PCDH19: variants seen among roughly 807,000 people sequenced by gnomAD.
PCDH19 encodes protocadherin-19.
Under a neutral mutation model 46.2 loss-of-function variants are expected in PCDH19, and 6 were observed. That is an observed-to-expected ratio of 0.13 (90% CI 0.07 to 0.26). The LOEUF (loss-of-function observed/expected upper bound fraction) is 0.26. Ranked by LOEUF, PCDH19 falls within the 10% of genes least tolerant of loss-of-function variation. The pLI is 1.00. For missense variants in PCDH19, 740 were observed against 972.3 expected (o/e 0.76, Z 3.18); for synonymous variants, 481 against 415.7 (o/e 1.16, Z -1.91).
At position 100,294,853 on chromosome X, in the gene PCDH19, G is replaced by GT. The variant is rs1199312953; in HGVS notation, c.*1423dup. ...TTAAAACAGAAAAAAAGGATCTACAGTGTGTTAATTTAAAAAGGGTGTATT... is the reference window on the plus strand; with the variant it reads ...TTAAAACAGAAAAAAAGGATCTACAGTTGTGTTAATTTAAAAAGGGTGTATT... On this transcript the variant is annotated 3_prime_UTR_variant, in exon 6 of 6. Transcript: ENST00000373034. 1 of 112,395 alleles carries GT rather than the reference G, an allele frequency of 8.9e-6. No individual in the cohort carries two copies. Among genetic ancestry groups the GT allele is most frequent in the African/African-American group, 3.2e-5 (1 of 30,882 alleles). The allele number at this position is 112,395 out of a possible 1,213,427, so 9.3% of individuals were successfully genotyped here. A position where few individuals can be genotyped will look rare whatever the true frequency, so the allele number is the denominator to read the frequency against.
intron 5 of PCDH19, among the ~76,000 whole-genome samples, chrX:100,339,382 T>C (rs1456950691): frequency 8.9e-6 from 1 of 111,861 alleles, no homozygotes; most frequent in Non-Finnish European, 1.9e-5. Context: ...CCTTTCTAAA[T>C]TGGTAATCCT....
chrX:100,370,202 C>A (rs1927177422), intron 3 of PCDH19, among the ~76,000 whole-genome samples: 1 of 112,260 alleles, frequency 8.9e-6, no homozygotes, highest in Non-Finnish European at 1.9e-5. Context: ...TTGGGGACTA[C>A]CAGATCTCGT....
rs750955264 is a variant in PCDH19 at position 100,397,988 on chromosome X, G to A, written c.2616+4536C>T. 6.6e-5 allele frequency among the ~76,000 whole-genome samples: 6 copies of A among 91,573 alleles called. No homozygotes were observed. In the South Asian group the frequency reaches 3.3e-3, roughly 50 times the overall value. The allele number at this position is 91,573 out of a possible 115,157, so 79.5% of individuals were successfully genotyped here. A position where few individuals can be genotyped will look rare whatever the true frequency, so the allele number is the denominator to read the frequency against. ...TTCCTCTCTCTTCACTCTTTTCTAC[G>A]CCCTCATACACACACACACACACAT... is the stretch of plus-strand genomic sequence containing the variant. On this transcript the variant is annotated intron_variant, in intron 3 of 5. Transcript: ENST00000373034.
At chrX:100,339,475 G>A (rs1207459905) in intron 5 of PCDH19, among the ~76,000 whole-genome samples, 1 of 112,520 alleles carries the variant, frequency 8.9e-6, no homozygotes, top group Non-Finnish European at 1.9e-5. Flanking sequence ...ATCACCCAGT[G>A]ACTGCCTTTC....
chrX:100,316,642 A>C (rs1329242601), intron 5 of PCDH19, among the ~76,000 whole-genome samples: 1 of 112,261 alleles, frequency 8.9e-6, no homozygotes, highest in Non-Finnish European at 1.9e-5. Context: ...TGGGTGGAGG[A>C]ACAAGGACAA....
rs1487927230 is a variant in PCDH19 at position 100,409,516 on chromosome X, GT to G, written c.-920del. ...AACGCAGTCCGACCCTCCACGTCAA[GT>G]TTGTGGAAACGGGGAGATGGCAATT... On this transcript the variant is annotated 5_prime_UTR_variant, in exon 1 of 6. Coordinates refer to ENST00000373034, the MANE Select transcript of PCDH19 (RefSeq NM_001184880.2). The G allele has an allele frequency of 1.2e-3, 153 of 123,703 alleles. No individual in the cohort carries two copies. Among genetic ancestry groups the G allele is most frequent in the African/African-American group, 4.7e-3 (145 of 31,073 alleles). The allele number at this position is 123,703 out of a possible 1,213,427, so 10.2% of individuals were successfully genotyped here.
intron 3 of PCDH19, among the ~76,000 whole-genome samples, chrX:100,359,292 T>G (rs757623616): frequency 9.9e-5 from 11 of 111,457 alleles, no homozygotes; most frequent in African/African-American, 3.3e-4. Context: ...CTAATTCCAA[T>G]GAAAGAGTCA....
intron 5 of PCDH19, among the ~76,000 whole-genome samples, chrX:100,328,167 C>T (rs1444422440): frequency 8.9e-6 from 1 of 112,035 alleles, no homozygotes; most frequent in Non-Finnish European, 1.9e-5. Context: ...TCATGTAAGT[C>T]ATTTATGCTA....
rs774662487 is a variant in PCDH19 at position 100,408,435 on chromosome X, G to C, written c.163C>G (p.Pro55Ala). Residue 55 changes from proline to alanine, a missense_variant, in exon 1 of 6, where the codon CCC (proline) becomes GCC (alanine). This residue lies in a region of PCDH19 where 81 missense variants were observed against 96.5 expected (regional missense o/e 0.84). Coordinates refer to ENST00000373034, the MANE Select transcript of PCDH19 (RefSeq NM_001184880.2). ...DAREAGFALDPRQASAFRVVS... is the reference protein window; with the variant it reads ...DAREAGFALDARQASAFRVVS... ...ACGCGAAAGGCTGAAGCCTGCCGGG[G>C]GTCCAGCGCGAAGCCCGCCTCTCGC... 1 of 1,204,879 alleles carries C rather than the reference G, an allele frequency of 8.3e-7. No homozygotes were observed. Among genetic ancestry groups the C allele is most frequent in the Non-Finnish European group, 1.1e-6 (1 of 893,845 alleles).
chrX:100,356,778 C>T (rs1926730806), intron 3 of PCDH19, among the ~76,000 whole-genome samples: 1 of 100,350 alleles, frequency 1.0e-5, no homozygotes, highest in Admixed American at 1.1e-4. Flanking sequence ...CTCTCTCACA[C>T]ACACACACTC....
At chrX:100,322,865 A>ATATATATATATATATATATATATATATT in intron 5 of PCDH19, among the ~76,000 whole-genome samples, 2 of 54,418 alleles carry the variant, frequency 3.7e-5, no homozygotes, top group African/African-American at 1.7e-4. Context: ...ATATATATAT[A>ATATATATATATATATATATATATATATT]TTTTTGCAGC....
intron 3 of PCDH19, among the ~76,000 whole-genome samples, chrX:100,374,417 G>T (rs1927312914): frequency 8.9e-6 from 1 of 111,929 alleles, no homozygotes; most frequent in Non-Finnish European, 1.9e-5. Context: ...TGTACAGAAT[G>T]TTTGCCATTA....
intron 3 of PCDH19, among the ~76,000 whole-genome samples, chrX:100,367,677 A>G (rs1027269299): frequency 9.0e-6 from 1 of 111,516 alleles, no homozygotes; most frequent in Non-Finnish European, 1.9e-5. Context: ...AACCCTCATG[A>G]CTTAATCACC....
chrX:100,309,369 T>C (rs1307619958), intron 5 of PCDH19, among the ~76,000 whole-genome samples: 1 of 111,023 alleles, frequency 9.0e-6, no homozygotes, highest in Non-Finnish European at 1.9e-5. Flanking sequence ...CAATGGACTT[T>C]GGAGACTCAG....
At chrX:100,343,068 AG>A (rs1926299938) in intron 4 of PCDH19, among the ~76,000 whole-genome samples, 1 of 111,956 alleles carries the variant, frequency 8.9e-6, no homozygotes, top group African/African-American at 3.2e-5. Context: ...AAATTAAGAA[AG>A]AAGTTGAGTT....
chrX:100,335,041 C>T (rs1374669874), intron 5 of PCDH19, among the ~76,000 whole-genome samples: 2 of 111,233 alleles, frequency 1.8e-5, no homozygotes, highest in Non-Finnish European at 3.8e-5. Context: ...CCAAAGGGCC[C>T]ATGCCAAAAG....
intron 3 of PCDH19, among the ~76,000 whole-genome samples, chrX:100,353,157 C>T (rs1926617695): frequency 1.8e-5 from 2 of 111,908 alleles, no homozygotes; most frequent in Admixed American, 9.5e-5. Flanking sequence ...AGGAATTTGA[C>T]CTCATTCAGG....
intron 4 of PCDH19, among the ~76,000 whole-genome samples, chrX:100,349,345 T>C (rs1926505326): frequency 9.0e-6 from 1 of 111,516 alleles, no homozygotes; most frequent in African/African-American, 3.3e-5. Context: ...CCCAGGAAAA[T>C]ATTCTAAATG....
At chrX:100,402,482 G>A (rs1222443427) in intron 3 of PCDH19, 42 bp downstream of exon 3, 8 of 1,086,855 alleles carry the variant, frequency 7.4e-6, no homozygotes, top group Non-Finnish European at 1.0e-5. Context: ...GCTAAAGAAG[G>A]AGACCTGGGA....
Sources: gnomAD v4.1 joint callset for allele counts (sites outside exome capture counted in the v4.1 genomes callset) on GRCh38, gnomAD v4.1.1 for gene constraint, gnomAD v4.1.1 regional missense constraint, MANE v1.5 for transcripts, NCBI Gene and HGNC (gene_info 2026-07-23, HGNC 2026-07-21) for gene names.